The following GPC6 variants were observed in gnomAD, a reference collection of about 807,000 sequenced individuals.
GPC6 encodes glypican 6.
GPC6 carries 14 observed loss-of-function variants against 55.2 expected under a neutral mutation model. The ratio of observed to expected loss-of-function variants is 0.25; its 90% confidence interval spans 0.17 to 0.40. GPC6 has a LOEUF of 0.40. Ranked by LOEUF, GPC6 falls within the 10% of genes least tolerant of loss-of-function variation. GPC6 has a pLI of 1.00. For missense variants in GPC6, 641 were observed against 708.5 expected (o/e 0.90, Z 1.08); for synonymous variants, 278 against 259.6 (o/e 1.07, Z -0.68).
At chr13:94,367,556 C>G (rs1160462865) in intron 6 of GPC6, among the ~76,000 whole-genome samples, 1 of 152,134 alleles carries the variant, frequency 6.6e-6, no homozygotes, top group Non-Finnish European at 1.5e-5. Context: ...TCTGATGTCT[C>G]CCACATTTAT....
intron 2 of GPC6, among the ~76,000 whole-genome samples, chr13:93,572,711 C>T (rs1458145878): frequency 6.6e-6 from 1 of 152,106 alleles, no homozygotes; most frequent in Non-Finnish European, 1.5e-5. Flanking sequence ...AATAAGCAGT[C>T]TTTTGTATTT....
chr13:93,323,873 A>G (rs1879546949), intron 1 of GPC6, among the ~76,000 whole-genome samples: 1 of 152,162 alleles, frequency 6.6e-6, no homozygotes, highest in Non-Finnish European at 1.5e-5. Flanking sequence ...ACTAAGGAGA[A>G]CAGTTGGGTG....
chr13:94,355,097 C>T (rs1028285927), intron 6 of GPC6, among the ~76,000 whole-genome samples: 4 of 151,588 alleles, frequency 2.6e-5, no homozygotes, highest in African/African-American at 9.7e-5. Context: ...GTTCTCAACT[C>T]ACTCCAACCT....
chr13:93,261,606 A>G (rs975094119), intron 1 of GPC6, among the ~76,000 whole-genome samples: 1 of 152,230 alleles, frequency 6.6e-6, no homozygotes, highest in African/African-American at 2.4e-5. Flanking sequence ...AACAGTGTCT[A>G]TTCCTAGGGA....
At chr13:94,231,641 T>G (rs1247226105) in intron 4 of GPC6, among the ~76,000 whole-genome samples, 19 of 152,156 alleles carry the variant, frequency 1.2e-4, no homozygotes, top group Admixed American at 1.2e-3. Context: ...ATTTTCAGCC[T>G]GAAAGAGATC....
Position 93,934,608 on chromosome 13 carries a change from C to T in GPC6, c.712-93121C>T, listed in dbSNP as rs1878337268. Reference sequence around the variant, plus strand: ...TTCATTGAGCAGTCACTCCCCTTCCCCTTATCCCAACCAGCCTGGAACAAT... The same window carrying T: ...TTCATTGAGCAGTCACTCCCCTTCCTCTTATCCCAACCAGCCTGGAACAAT... On this transcript the variant is annotated intron_variant, in intron 3 of 8. Coordinates refer to ENST00000377047, the MANE Select transcript of GPC6 (RefSeq NM_005708.5). Among the ~76,000 whole-genome samples, 3 of 152,176 alleles carry T rather than the reference C, an allele frequency of 2.0e-5. No individual in the cohort carries two copies. In the South Asian group the frequency reaches 6.2e-4, roughly 32 times the overall value.
chr13:93,775,804 G>A (rs1361648847), intron 2 of GPC6, among the ~76,000 whole-genome samples: 1 of 147,086 alleles, frequency 6.8e-6, no homozygotes, highest in Non-Finnish European at 1.5e-5. Context: ...GTTGGCGAAT[G>A]TCGTCTAAAC....
intron 2 of GPC6, among the ~76,000 whole-genome samples, chr13:93,723,962 G>C (rs1479146247): frequency 2.0e-5 from 3 of 151,798 alleles, no homozygotes; most frequent in African/African-American, 4.8e-5. Context: ...GTGTTTGAAT[G>C]GTTCATATTT....
At chr13:93,955,242 TGCACACAC>T (rs1328201665) in intron 3 of GPC6, among the ~76,000 whole-genome samples, 1 of 98,998 alleles carries the variant, frequency 1.0e-5, no homozygotes, top group African/African-American at 4.7e-5. Context: ...TGAATGAACA[TGCACACAC>T]ACACACACAC....
At chr13:93,696,929 C>T (rs1035781295) in intron 2 of GPC6, among the ~76,000 whole-genome samples, 7 of 152,012 alleles carry the variant, frequency 4.6e-5, no homozygotes, top group Admixed American at 6.6e-5. Flanking sequence ...TGGCCACCTC[C>T]GTAACTTTAA....
intron 4 of GPC6, among the ~76,000 whole-genome samples, chr13:94,155,118 A>G (rs1238030972): frequency 1.3e-5 from 2 of 152,026 alleles, no homozygotes; most frequent in Non-Finnish European, 2.9e-5. Context: ...TGCAGGTCAA[A>G]CGTCTCTCCT....
chr13:93,336,159 T>A (rs1880038814), intron 1 of GPC6, among the ~76,000 whole-genome samples: 1 of 152,230 alleles, frequency 6.6e-6, no homozygotes, highest in Non-Finnish European at 1.5e-5. Flanking sequence ...TGTTCTGCAC[T>A]TGGAATTTTA....
intron 2 of GPC6, among the ~76,000 whole-genome samples, chr13:93,629,341 A>T (rs540321268): frequency 2.8e-4 from 42 of 152,262 alleles, no homozygotes; most frequent in Admixed American, 7.2e-4. Context: ...ATACATATGC[A>T]TACATTTTTG....
intron 3 of GPC6, among the ~76,000 whole-genome samples, chr13:93,833,854 G>T (rs1264883124): frequency 6.6e-6 from 1 of 152,048 alleles, no homozygotes; most frequent in African/African-American, 2.4e-5. Flanking sequence ...TTCAGATGGG[G>T]CCAGTTTATT....
At chr13:94,218,819 C>T (rs1170935628) in intron 4 of GPC6, among the ~76,000 whole-genome samples, 1 of 152,104 alleles carries the variant, frequency 6.6e-6, no homozygotes, top group Non-Finnish European at 1.5e-5. Context: ...AATGCAGATT[C>T]CATGGCATTC....
At chr13:93,410,512 T>A (rs1018289183) in intron 1 of GPC6, among the ~76,000 whole-genome samples, 5 of 152,146 alleles carry the variant, frequency 3.3e-5, no homozygotes, top group Admixed American at 2.0e-4. Flanking sequence ...TTAAATGATT[T>A]ACACAGAGTT....
intron 3 of GPC6, among the ~76,000 whole-genome samples, chr13:93,862,321 A>AG (rs1265420646): frequency 6.6e-6 from 1 of 151,572 alleles, no homozygotes; most frequent in Admixed American, 6.6e-5. Context: ...TCTGGGGAAA[A>AG]TAAGCCAGCC....
chr13:93,528,416 G>A (rs1197587677), intron 1 of GPC6, among the ~76,000 whole-genome samples: 1 of 152,160 alleles, frequency 6.6e-6, no homozygotes, highest in Admixed American at 6.6e-5. Context: ...CAGAGAGAGT[G>A]AAAGATGGAA....
At chr13:94,064,153 G>A (rs560311167) in intron 4 of GPC6, among the ~76,000 whole-genome samples, 4 of 152,222 alleles carry the variant, frequency 2.6e-5, no homozygotes, top group South Asian at 2.1e-4. Flanking sequence ...TCTGGGACAC[G>A]TTTATGACAT....
Sources: allele counts gnomAD v4.1 joint callset (sites outside exome capture counted in the v4.1 genomes callset), GRCh38; gene constraint gnomAD v4.1.1; transcripts MANE v1.5; gene names NCBI Gene and HGNC (gene_info 2026-07-23, HGNC 2026-07-21).